Variants in RALY observed in about 807,000 individuals in gnomAD.
RALY encodes the protein RALY heterogeneous nuclear ribonucleoprotein.
In RALY, 15 loss-of-function variants were observed where a neutral mutation model predicts 30.7. That is an observed-to-expected ratio of 0.49 (90% CI 0.33 to 0.75). The LOEUF (loss-of-function observed/expected upper bound fraction) is 0.75. Among genes scored for constraint, RALY ranks in the 30% least tolerant of loss-of-function variants. The pLI is 0.02. For missense variants in RALY, 339 were observed against 414.3 expected, an observed-to-expected ratio of 0.82 and a Z score of 1.58; for synonymous variants, 177 against 170.8, an observed-to-expected ratio of 1.04 and a Z score of -0.28.
intron 2 of RALY, chr20:34,033,266 A>G (rs1275753993): frequency 6.6e-6 from 1 of 152,262 alleles, no homozygotes; most frequent in Non-Finnish European, 1.5e-5. Flanking sequence ...CAAATGAGAA[A>G]TGCAAGTTGG....
At chr20:34,072,595 G>C (rs964442394) in intron 3 of RALY, among the ~76,000 whole-genome samples, 7 of 152,210 alleles carry the variant, frequency 4.6e-5, no homozygotes, top group Non-Finnish European at 8.8e-5. Context: ...TTAAAATGCA[G>C]ATTCTCCAGA....
intron 2 of RALY, among the ~76,000 whole-genome samples, chr20:34,053,790 GCTTGGTGGGGC>G (rs1302824442): frequency 6.6e-6 from 1 of 152,150 alleles, no homozygotes; most frequent in East Asian, 1.9e-4. Context: ...CATTAAGATA[GCTTGGTGGGGC>G]CAGTGGTTGG....
chr20:34,013,413 C>CAAAAAAAA (rs34859292), intron 1 of RALY, among the ~76,000 whole-genome samples: 2 of 84,796 alleles, frequency 2.4e-5, no homozygotes, highest in African/African-American at 3.3e-5. Flanking sequence ...GACCTTGTCT[C>CAAAAAAAA]AAAAAAAAAA....
At chr20:34,000,087 G>A (rs2122968041) in intron 1 of RALY, among the ~76,000 whole-genome samples, 1 of 152,234 alleles carries the variant, frequency 6.6e-6, no homozygotes, top group South Asian at 2.1e-4. Context: ...TTGGCTTCAT[G>A]TCTATATAGC....
chr20:34,064,821 A>T (rs2033522362), intron 2 of RALY, among the ~76,000 whole-genome samples: 1 of 152,100 alleles, frequency 6.6e-6, no homozygotes, highest in Admixed American at 6.5e-5. Context: ...CTTTACTCAT[A>T]TTATCTCCAG....
intron 2 of RALY, among the ~76,000 whole-genome samples, chr20:34,071,460 G>C (rs539984891): frequency 1.3e-5 from 2 of 152,046 alleles, no homozygotes; most frequent in Non-Finnish European, 2.9e-5. Context: ...TGTATTTTTA[G>C]TAGAGACGGG....
chr20:34,068,059 C>T (rs6059653), intron 2 of RALY, among the ~76,000 whole-genome samples: 16,078 of 152,104 alleles, frequency 0.11, 2,832 homozygotes, highest in African/African-American at 0.36. Flanking sequence ...CATGTGCACA[C>T]AGGTCTCTGC....
chr20:34,002,440 T>G (rs2030961091), intron 1 of RALY, among the ~76,000 whole-genome samples: 1 of 152,174 alleles, frequency 6.6e-6, no homozygotes, highest in Non-Finnish European at 1.5e-5. Flanking sequence ...AAGACATAAT[T>G]CCTGTCCACA....
At chr20:33,998,740 C>T (rs1366099050) in intron 1 of RALY, among the ~76,000 whole-genome samples, 4 of 152,104 alleles carry the variant, frequency 2.6e-5, no homozygotes, top group Non-Finnish European at 4.4e-5. Context: ...AGCTAGAACA[C>T]TGTGGGCAGA....
In RALY at chr20:34,065,574, A is replaced by T. The variant is rs534175701; in HGVS notation, c.-9-6492A>T. On this transcript the variant is annotated intron_variant, in intron 2 of 9. Transcript: ENST00000246194. ...ACAATCATTTGGGCACTGCTAATGA[A>T]CCAGGGCTTGGCCAGTTTAATGAGA... Among the ~76,000 whole-genome samples the T allele has an allele frequency of 6.5e-4, 99 of 152,326 alleles. 1 individual carries two copies. The highest frequency in any genetic ancestry group is 2.3e-3 in the African/African-American group (96 of 41,580).
chr20:34,064,285 AAGAGT>A (rs1312836485), intron 2 of RALY, among the ~76,000 whole-genome samples: 4 of 152,148 alleles, frequency 2.6e-5, no homozygotes, highest in Non-Finnish European at 5.9e-5. Context: ...GGCCACAGAC[AAGAGT>A]AGAGTTAGTG....
intron 2 of RALY, among the ~76,000 whole-genome samples, chr20:34,046,813 C>CT (rs61495395): frequency 0.03 from 2,147 of 72,474 alleles, 92 homozygotes; most frequent in African/African-American, 0.1. Flanking sequence ...GACCTCCACT[C>CT]TTTTTTTTTT....
intron 1 of RALY, among the ~76,000 whole-genome samples, chr20:34,031,184 A>G (rs2032260665): frequency 6.8e-6 from 1 of 148,110 alleles, no homozygotes; most frequent in South Asian, 2.1e-4. Flanking sequence ...AGCTGGGGTT[A>G]CAGGCGCCCA....
At chr20:34,023,881 A>G (rs974542385) in intron 1 of RALY, among the ~76,000 whole-genome samples, 4 of 152,160 alleles carry the variant, frequency 2.6e-5, no homozygotes, top group Admixed American at 6.5e-5. Context: ...TCAAGCTTAC[A>G]TATCAGTTTT....
intron 1 of RALY, among the ~76,000 whole-genome samples, chr20:34,029,482 G>T (rs1218647937): frequency 1.2e-5 from 1 of 86,084 alleles, no homozygotes; most frequent in Non-Finnish European, 2.2e-5. Flanking sequence ...GGAGGAAAGG[G>T]AGGGAGGGAG....
At chr20:34,019,773 G>A (rs530641959) in intron 1 of RALY, among the ~76,000 whole-genome samples, 2 of 152,302 alleles carry the variant, frequency 1.3e-5, no homozygotes, top group South Asian at 4.1e-4. Flanking sequence ...CGGTAGATAG[G>A]AAGCTTGGCC....
chr20:34,024,114 C>T (rs2031930689), intron 1 of RALY, among the ~76,000 whole-genome samples: 1 of 152,062 alleles, frequency 6.6e-6, no homozygotes, highest in Admixed American at 6.5e-5. Flanking sequence ...GGACAGATTC[C>T]CCTCCCTGCT....
intron 1 of RALY, among the ~76,000 whole-genome samples, chr20:34,023,799 CCTCA>C (rs2031918508): frequency 6.6e-6 from 1 of 152,012 alleles, no homozygotes; most frequent in African/African-American, 2.4e-5. Context: ...CCACCTCTCA[CCTCA>C]CTCAGACTTA....
chr20:34,026,187 T>C (rs1293643182), intron 1 of RALY, among the ~76,000 whole-genome samples: 4 of 151,970 alleles, frequency 2.6e-5, no homozygotes, highest in Non-Finnish European at 4.4e-5. Context: ...GTTGGAGCCC[T>C]GAGCAACTTG....
Sources: gnomAD v4.1 joint callset for allele counts (sites outside exome capture counted in the v4.1 genomes callset) on GRCh38, gnomAD v4.1.1 for gene constraint, MANE v1.5 for transcripts, NCBI Gene and HGNC (gene_info 2026-07-23, HGNC 2026-07-21) for gene names.